Variants in NEK10 observed in about 807,000 individuals in gnomAD.
The protein encoded by NEK10 is serine/threonine-protein kinase Nek10.
A neutral mutation model predicts 159.8 loss-of-function variants in NEK10; 122 were observed. That is an observed-to-expected ratio of 0.76 (90% confidence interval 0.66 to 0.89). The LOEUF (loss-of-function observed/expected upper bound fraction) is 0.89, where lower values mean the gene tolerates loss of function less well. Among genes scored for constraint, NEK10 ranks in the 40% least tolerant of loss-of-function variants. The probability of loss-of-function intolerance (pLI) is 0.00; values close to 1 mark genes in which losing one functional copy is unlikely to be tolerated. For missense variants in NEK10, 1,342 were observed against 1,323.1 expected (o/e 1.01, Z -0.22); for synonymous variants, 466 against 457.1 (o/e 1.02, Z -0.25).
intron 18 of NEK10, 91 bp downstream of exon 18, chr3:27,291,171 C>T (rs997254636): frequency 3.3e-6 from 4 of 1,209,934 alleles, no homozygotes; most frequent in Admixed American, 4.9e-5. Flanking sequence ...TTTTCAATGA[C>T]AAGAGTTCTA....
intron 31 of NEK10, among the ~76,000 whole-genome samples, chr3:27,133,819 T>A (rs1399205118): frequency 6.6e-6 from 1 of 152,142 alleles, no homozygotes; most frequent in Non-Finnish European, 1.5e-5. Context: ...TGAGTCAAAA[T>A]ACGTTAATTA....
At chr3:27,274,146 C>A (rs2041589356) in intron 22 of NEK10, among the ~76,000 whole-genome samples, 1 of 152,124 alleles carries the variant, frequency 6.6e-6, no homozygotes, top group East Asian at 1.9e-4. Context: ...CTGTACCATG[C>A]CACTTTCCAC....
intron 23 of NEK10, among the ~76,000 whole-genome samples, chr3:27,213,949 C>A (rs1951249254): frequency 1.3e-5 from 2 of 152,192 alleles, no homozygotes; most frequent in African/African-American, 4.8e-5. Context: ...AGTCTAGAAC[C>A]TTTTAAAGGT....
chr3:27,246,717 C>T (rs1396472376), intron 23 of NEK10, among the ~76,000 whole-genome samples: 8 of 152,102 alleles, frequency 5.3e-5, no homozygotes, highest in African/African-American at 1.4e-4. Flanking sequence ...TTCCTAGCCC[C>T]GGTGACCATC....
intron 25 of NEK10, among the ~76,000 whole-genome samples, chr3:27,201,163 C>T (rs1258479336): frequency 2.0e-5 from 3 of 152,114 alleles, no homozygotes; most frequent in Non-Finnish European, 4.4e-5. Context: ...TCTTGTCTGG[C>T]CTTTTTCCAA....
chr3:27,257,741 A>C (rs1453072638), intron 22 of NEK10, among the ~76,000 whole-genome samples: 1 of 151,326 alleles, frequency 6.6e-6, no homozygotes, highest in Non-Finnish European at 1.5e-5. Flanking sequence ...AACTTGAGTA[A>C]CCCTGGGCAA....
chr3:27,366,339 G>A (rs562053805), intron 1 of NEK10, among the ~76,000 whole-genome samples: 2 of 152,300 alleles, frequency 1.3e-5, no homozygotes, highest in South Asian at 2.1e-4. Flanking sequence ...ACTGCGCCCT[G>A]AGAACTGTCC....
chr3:27,141,224 T>G (rs1279491329), intron 31 of NEK10, among the ~76,000 whole-genome samples: 1 of 152,120 alleles, frequency 6.6e-6, no homozygotes, highest in Non-Finnish European at 1.5e-5. Context: ...AGGAGGGCCA[T>G]TTATGGTGAA....
At position 27,284,848 on chromosome 3, in the gene NEK10, A is replaced by T. The variant is rs1235951560; in HGVS notation, c.1903T>A (p.Phe635Ile). The T allele has an allele frequency of 6.3e-7, 1 of 1,582,766 alleles. No individual in the cohort carries two copies. Among genetic ancestry groups the T allele is most frequent in the African/African-American group, 1.3e-5 (1 of 74,160 alleles). The change falls in exon 21 of 36, where the codon TTT becomes ATT. Residue 635 changes from phenylalanine (F) to isoleucine (I), a missense_variant. Phe to Ile is a conservative substitution (Grantham distance 21). Coordinates refer to ENST00000691995, the MANE Select transcript of NEK10 (RefSeq NM_001394966.1). ...TGAAGATAAAAGCATACCTGTATAAATATTTTCCATAGTCTTTCTTCAGTA... is the reference window on the plus strand; with the variant it reads ...TGAAGATAAAAGCATACCTGTATAATTATTTTCCATAGTCTTTCTTCAGTA... Reference protein sequence around the residue: ...HFTEERLWKIFIQLCLALRYL... With the variant: ...HFTEERLWKIIIQLCLALRYL...
intron 13 of NEK10, among the ~76,000 whole-genome samples, chr3:27,299,679 G>C (rs549085738): frequency 3.9e-5 from 6 of 152,336 alleles, no homozygotes; most frequent in African/African-American, 1.2e-4. Context: ...ACCTCACATA[G>C]CCACAGGGGC....
chr3:27,206,664 T>G, intron 23 of NEK10: 1 of 982,426 alleles, frequency 1.0e-6, no homozygotes, highest in Non-Finnish European at 1.2e-6. Flanking sequence ...TTCAAGCCCC[T>G]CAAGTGCGCA....
chr3:27,328,288 C>A (rs1475261739), intron 5 of NEK10, among the ~76,000 whole-genome samples: 1 of 152,188 alleles, frequency 6.6e-6, no homozygotes, highest in Non-Finnish European at 1.5e-5. Context: ...ATGGAGCTTA[C>A]ATTCTGATCA....
intron 9 of NEK10, chr3:27,310,588 T>C (rs552492350): frequency 1.2e-5 from 2 of 167,438 alleles, no homozygotes; most frequent in South Asian, 2.0e-4. Flanking sequence ...ATGGAATTTA[T>C]ATGTATACAT....
intron 22 of NEK10, among the ~76,000 whole-genome samples, chr3:27,270,362 G>A (rs2041238660): frequency 1.3e-5 from 2 of 152,120 alleles, no homozygotes; most frequent in African/African-American, 4.8e-5. Context: ...AGCCTTCTTG[G>A]AAGCTGACCC....
chr3:27,202,163 A>G (rs893796119), intron 24 of NEK10, among the ~76,000 whole-genome samples: 62 of 144,234 alleles, frequency 4.3e-4, no homozygotes, highest in African/African-American at 1.5e-3. Context: ...AAATAAATAA[A>G]TTAAATAAAT....
chr3:27,113,909 A>G (rs543300314), intron 35 of NEK10, among the ~76,000 whole-genome samples: 137 of 152,314 alleles, frequency 9.0e-4, no homozygotes, highest in African/African-American at 3.2e-3. Context: ...CTTGCCCATG[A>G]TCCCAAGTCT....
At chr3:27,250,464 G>A (rs1955537162) in intron 23 of NEK10, among the ~76,000 whole-genome samples, 1 of 152,284 alleles carries the variant, frequency 6.6e-6, no homozygotes, top group East Asian at 1.9e-4. Context: ...GGGATTACAG[G>A]TGTCAGCCAC....
At chr3:27,152,788 C>G (rs1217411257) in intron 30 of NEK10, among the ~76,000 whole-genome samples, 1 of 152,064 alleles carries the variant, frequency 6.6e-6, no homozygotes, top group Non-Finnish European at 1.5e-5. Context: ...CATAAGGACT[C>G]ACAAAAGTTT....
chr3:27,243,315 A>T (rs1250050384), intron 23 of NEK10, among the ~76,000 whole-genome samples: 1 of 152,214 alleles, frequency 6.6e-6, no homozygotes, highest in Non-Finnish European at 1.5e-5. Flanking sequence ...GGGATATATG[A>T]CTGGTAAGGT....
Sources: gnomAD v4.1 joint callset for allele counts (sites outside exome capture counted in the v4.1 genomes callset) on GRCh38, gnomAD v4.1.1 for gene constraint, MANE v1.5 for transcripts, NCBI Gene and HGNC (gene_info 2026-07-23, HGNC 2026-07-21) for gene names.